The following DYNC1I1 variants were observed in gnomAD, a reference collection of about 807,000 sequenced individuals.
DYNC1I1 encodes dynein cytoplasmic 1 intermediate chain 1.
A neutral mutation model predicts 86.6 loss-of-function variants in DYNC1I1; 43 were observed. That is an observed-to-expected ratio of 0.50 (90% CI 0.39 to 0.64). The LOEUF is 0.64. DYNC1I1 is among the 30% of genes least tolerant of loss of function. DYNC1I1 has a pLI of 0.00. For missense variants in DYNC1I1, 604 were observed against 788.8 expected (o/e 0.77, Z 2.81); for synonymous variants, 262 against 283.7 (o/e 0.92, Z 0.77).
chr7:95,788,991 C>T (rs989576769), intron 1 of DYNC1I1, among the ~76,000 whole-genome samples: 2 of 151,950 alleles, frequency 1.3e-5, no homozygotes, highest in Non-Finnish European at 2.9e-5. Flanking sequence ...TCTTTAAAAG[C>T]TAATGTATAC....
intron 1 of DYNC1I1, among the ~76,000 whole-genome samples, chr7:95,790,110 C>T (rs560997657): frequency 3.3e-5 from 5 of 152,272 alleles, no homozygotes; most frequent in South Asian, 4.1e-4. Context: ...TTCCCTTCTG[C>T]GTACAGAGAA....
chr7:96,058,619 C>T (rs145030159), intron 14 of DYNC1I1, among the ~76,000 whole-genome samples: 1 of 150,244 alleles, frequency 6.7e-6, no homozygotes, highest in African/African-American at 2.5e-5. Flanking sequence ...AGTGTGGAAA[C>T]CAAAGAAACA....
At chr7:96,037,080 A>G (rs1019037674) in intron 13 of DYNC1I1, among the ~76,000 whole-genome samples, 4 of 152,208 alleles carry the variant, frequency 2.6e-5, no homozygotes, top group Non-Finnish European at 4.4e-5. Flanking sequence ...AATGACAAGC[A>G]TCCATGGCTC....
At chr7:96,028,513 A>G (rs1427890506) in intron 11 of DYNC1I1, among the ~76,000 whole-genome samples, 192 bp downstream of exon 11, 1 of 152,160 alleles carries the variant, frequency 6.6e-6, no homozygotes, top group Non-Finnish European at 1.5e-5. Context: ...GATGTCTCTT[A>G]ATAACCTACA....
At chr7:95,775,724 C>T (rs983352) in intron 1 of DYNC1I1, among the ~76,000 whole-genome samples, 51,127 of 152,004 alleles carry the variant, frequency 0.34, 8,989 homozygotes, top group South Asian at 0.51. Context: ...TTGTGGATCT[C>T]AAATGCTGTG....
At chr7:95,895,885 G>C (rs1436116207) in intron 6 of DYNC1I1, among the ~76,000 whole-genome samples, 1 of 152,164 alleles carries the variant, frequency 6.6e-6, no homozygotes, top group African/African-American at 2.4e-5. Flanking sequence ...AATTACCTTA[G>C]GGCTGAGTGA....
chr7:95,886,297 G>A (rs1052210593), intron 6 of DYNC1I1, among the ~76,000 whole-genome samples: 13 of 152,074 alleles, frequency 8.5e-5, no homozygotes, highest in African/African-American at 2.4e-4. Context: ...TTACCTGAGC[G>A]TGGTGTCATG....
chr7:95,959,575 C>A (rs1440384874), intron 6 of DYNC1I1, among the ~76,000 whole-genome samples: 3 of 152,076 alleles, frequency 2.0e-5, no homozygotes, highest in Non-Finnish European at 2.9e-5. Context: ...AAGTTAGGAT[C>A]CAGGAAGAAG....
chr7:95,821,300 G>A lies in DYNC1I1; in HGVS notation c.315-6757G>A, dbSNP rs1014951897. Among the ~76,000 whole-genome samples, 4 of 152,322 alleles carry A rather than the reference G, an allele frequency of 2.6e-5. No homozygotes were observed. In the East Asian group the frequency reaches 7.7e-4, roughly 29 times the overall value. ...AATTTGAATCTAAGGAAATGTTGCT[G>A]TGTAGTTACAGCTCTCAAATATGCA... On this transcript the variant is annotated intron_variant, in intron 4 of 16. Transcript: ENST00000447467.
intron 16 of DYNC1I1, among the ~76,000 whole-genome samples, chr7:96,105,567 TA>T (rs1277703246): frequency 6.6e-6 from 1 of 152,192 alleles, no homozygotes; most frequent in Non-Finnish European, 1.5e-5. Flanking sequence ...AGTAATTTCT[TA>T]AGGGTTTTCC....
chr7:95,795,085 A>C (rs939036038), intron 1 of DYNC1I1, among the ~76,000 whole-genome samples: 1 of 152,214 alleles, frequency 6.6e-6, no homozygotes, highest in Non-Finnish European at 1.5e-5. Context: ...TTCTGGTGTC[A>C]GCTCTCTCAT....
intron 14 of DYNC1I1, among the ~76,000 whole-genome samples, chr7:96,073,238 A>G (rs1790220454): frequency 6.6e-6 from 1 of 152,242 alleles, no homozygotes; most frequent in Non-Finnish European, 1.5e-5. Flanking sequence ...TAAAAGGCTC[A>G]GTCTTGGGGT....
chr7:96,040,717 T>C (rs1055976491), intron 14 of DYNC1I1, among the ~76,000 whole-genome samples: 3 of 69,442 alleles, frequency 4.3e-5, no homozygotes, highest in African/African-American at 2.1e-4. Context: ...AAATGAGTAG[T>C]TTTTTTTTTT....
At position 95,971,453 on chromosome 7, in the gene DYNC1I1, A is replaced by G. The variant is rs552589135; in HGVS notation, c.491-6059A>G. ...TACATGGAATTATATAAAAGTGGCC[A>G]GGGCATTTGTTCTTAAGTTGAAAAG... is the stretch of plus-strand genomic sequence containing the variant. On this transcript the variant is annotated intron_variant, in intron 6 of 16. Coordinates refer to ENST00000447467, the MANE Select transcript of DYNC1I1 (RefSeq NM_001135556.2). 7.4e-4 allele frequency among the ~76,000 whole-genome samples: 112 copies of G among 152,342 alleles called. No homozygotes were observed. In the Middle Eastern group the frequency reaches 0.02, roughly 28 times the overall value.
At chr7:95,817,244 A>G (rs1794967457) in intron 4 of DYNC1I1, among the ~76,000 whole-genome samples, 1 of 151,952 alleles carries the variant, frequency 6.6e-6, no homozygotes, top group Non-Finnish European at 1.5e-5. Flanking sequence ...TGTAGAATGA[A>G]CTATATAATT....
At chr7:95,995,485 C>A (rs1231036296) in intron 9 of DYNC1I1, among the ~76,000 whole-genome samples, 2 of 152,030 alleles carry the variant, frequency 1.3e-5, no homozygotes, top group Non-Finnish European at 2.9e-5. Flanking sequence ...AGAAATTAAG[C>A]CTAGAGATAT....
chr7:95,979,969 A>G (rs1442317216), intron 7 of DYNC1I1, among the ~76,000 whole-genome samples: 2 of 152,150 alleles, frequency 1.3e-5, no homozygotes. Flanking sequence ...CCTTTGCAAA[A>G]TATTCTTAAA....
intron 8 of DYNC1I1, among the ~76,000 whole-genome samples, chr7:95,986,023 C>CATGTGTGTGTGTGTGTGTGTGTGT (rs538069759): frequency 7.5e-6 from 1 of 132,656 alleles, no homozygotes; most frequent in Admixed American, 7.9e-5. Flanking sequence ...CCTGGCAGGA[C>CATGTGTGTGTGTGTGTGTGTGTGT]GTGTGTGTGT....
At chr7:95,998,329 A>G (rs1793922625) in intron 10 of DYNC1I1, among the ~76,000 whole-genome samples, 1 of 152,264 alleles carries the variant, frequency 6.6e-6, no homozygotes, top group Non-Finnish European at 1.5e-5. Context: ...CAAAGGCTGT[A>G]CAGCCCATTC....
Sources: gnomAD v4.1 joint callset for allele counts (sites outside exome capture counted in the v4.1 genomes callset) on GRCh38, gnomAD v4.1.1 for gene constraint, MANE v1.5 for transcripts, NCBI Gene and HGNC (gene_info 2026-07-23, HGNC 2026-07-21) for gene names.